The following FAM107B variants were observed in gnomAD, a reference collection of about 807,000 sequenced individuals.
FAM107B encodes family with sequence similarity 107 member B, also known as protein FAM107B.
A neutral mutation model predicts 31.5 loss-of-function variants in FAM107B; 21 were observed. That is an observed-to-expected ratio of 0.67 (90% confidence interval 0.47 to 0.96). The LOEUF is 0.96. Ranked by LOEUF, FAM107B falls within the 40% of genes least tolerant of loss-of-function variation. The pLI, the probability that FAM107B is intolerant of heterozygous loss-of-function variation, is 0.00. For missense variants in FAM107B, 452 were observed against 377.1 expected, an observed-to-expected ratio of 1.20 and a Z score of -1.64; for synonymous variants, 157 against 141.5, an observed-to-expected ratio of 1.11 and a Z score of -0.78.
At chr10:14,723,365 G>A (rs547336801) in intron 1 of FAM107B, 117 of 546,560 alleles carry the variant, frequency 2.1e-4, no homozygotes, top group African/African-American at 1.4e-3. Context: ...TGGAGCAGTC[G>A]ATTTGCCCTG....
intron 2 of FAM107B, among the ~76,000 whole-genome samples, chr10:14,658,388 T>C (rs923252473): frequency 6.6e-6 from 1 of 152,224 alleles, no homozygotes; most frequent in South Asian, 2.1e-4. Context: ...ATTTAGCATC[T>C]TGAAGGCAAG....
chr10:14,621,735 G>C (rs1416114920), intron 2 of FAM107B, among the ~76,000 whole-genome samples: 1 of 152,170 alleles, frequency 6.6e-6, no homozygotes, highest in African/African-American at 2.4e-5. Flanking sequence ...ACAGGATTTG[G>C]CTTTTTTTGA....
chr10:14,560,622 G>A (rs1850160902), intron 2 of FAM107B, among the ~76,000 whole-genome samples: 1 of 152,174 alleles, frequency 6.6e-6, no homozygotes, highest in African/African-American at 2.4e-5. Context: ...GCTCACCTGC[G>A]ACAGGGGCCT....
At chr10:14,761,345 A>C (rs1394307682) in intron 1 of FAM107B, among the ~76,000 whole-genome samples, 1 of 152,252 alleles carries the variant, frequency 6.6e-6, no homozygotes, top group Non-Finnish European at 1.5e-5. Flanking sequence ...TAAATGCTAA[A>C]AGAGCATTTA....
At chr10:14,608,257 A>T (rs1852641924) in intron 2 of FAM107B, among the ~76,000 whole-genome samples, 1 of 152,240 alleles carries the variant, frequency 6.6e-6, no homozygotes, top group South Asian at 2.1e-4. Flanking sequence ...GTACGTGGAC[A>T]TTTGAATCGT....
intron 3 of FAM107B, among the ~76,000 whole-genome samples, chr10:14,528,251 G>A (rs56011267): frequency 0.12 from 16,829 of 140,676 alleles, 1,088 homozygotes; most frequent in Non-Finnish European, 0.15. Context: ...GCACAATCTC[G>A]GCTCACTGCA....
At chr10:14,566,439 A>G (rs914005258) in intron 2 of FAM107B, among the ~76,000 whole-genome samples, 1 of 152,134 alleles carries the variant, frequency 6.6e-6, no homozygotes, top group African/African-American at 2.4e-5. Flanking sequence ...ACGTCCCACA[A>G]CTGCAGGGAA....
At chr10:14,762,807 G>A (rs1393322681) in intron 1 of FAM107B, among the ~76,000 whole-genome samples, 5 of 140,598 alleles carry the variant, frequency 3.6e-5, no homozygotes, top group African/African-American at 1.1e-4. Flanking sequence ...CACACAAAAA[G>A]AACATGTCAC....
rs527619476 is a variant in FAM107B at position 14,628,495 on chromosome 10, C to T, written c.469+39139G>A. Reference sequence around the variant, plus strand: ...AGTCTCTGAGAAGGTAACCCCAATGCACTAGGAATGGAAACCCCAACTTCC... The same window carrying T: ...AGTCTCTGAGAAGGTAACCCCAATGTACTAGGAATGGAAACCCCAACTTCC... On this transcript the variant is annotated intron_variant, in intron 2 of 4. Transcript: ENST00000181796. Among the ~76,000 whole-genome samples, 26 of 152,248 alleles carry T rather than the reference C, an allele frequency of 1.7e-4. 1 individual carries two copies. In the South Asian group the frequency reaches 5.4e-3, roughly 32 times the overall value.
intron 1 of FAM107B, among the ~76,000 whole-genome samples, chr10:14,676,409 A>G (rs1454098541): frequency 6.6e-6 from 1 of 152,036 alleles, no homozygotes; most frequent in Non-Finnish European, 1.5e-5. Context: ...CAGAGCAAAA[A>G]CTGTGCTTCC....
intron 1 of FAM107B, among the ~76,000 whole-genome samples, chr10:14,696,897 A>G (rs1304661668): frequency 1.3e-5 from 2 of 152,104 alleles, no homozygotes; most frequent in Non-Finnish European, 1.5e-5. Flanking sequence ...TTGCTCCTTT[A>G]GCATCTCTGA....
intron 1 of FAM107B, among the ~76,000 whole-genome samples, chr10:14,699,410 G>A (rs144306027): frequency 6.9e-4 from 105 of 152,234 alleles, no homozygotes; most frequent in Non-Finnish European, 1.6e-4. Flanking sequence ...CCCAGGGAAC[G>A]AGAACCAGGG....
At chr10:14,594,341 CAA>C (rs1852112086) in intron 2 of FAM107B, among the ~76,000 whole-genome samples, 1 of 151,864 alleles carries the variant, frequency 6.6e-6, no homozygotes, top group Non-Finnish European at 1.5e-5. Flanking sequence ...TTCATCTCTA[CAA>C]AATATAAAAT....
At chr10:14,643,332 G>A (rs1025789503) in intron 2 of FAM107B, among the ~76,000 whole-genome samples, 3 of 151,750 alleles carry the variant, frequency 2.0e-5, no homozygotes, top group Admixed American at 6.6e-5. Flanking sequence ...CAAGCAGTCC[G>A]GCAGGAGGGA....
At chr10:14,770,975 T>TAAAAAAAA (rs56378196) in intron 1 of FAM107B, among the ~76,000 whole-genome samples, 3 of 58,924 alleles carry the variant, frequency 5.1e-5, no homozygotes, top group Non-Finnish European at 7.2e-5. Context: ...GAGGCTGAAC[T>TAAAAAAAA]AAAAAAAAAA....
At chr10:14,745,984 T>C (rs1382851612) in intron 1 of FAM107B, among the ~76,000 whole-genome samples, 2 of 152,146 alleles carry the variant, frequency 1.3e-5, no homozygotes, top group Non-Finnish European at 2.9e-5. Context: ...TGGGTGCTCC[T>C]GTATTGAGTG....
chr10:14,679,954 G>A (rs1854788245), intron 1 of FAM107B, among the ~76,000 whole-genome samples: 1 of 152,136 alleles, frequency 6.6e-6, no homozygotes, highest in African/African-American at 2.4e-5. Flanking sequence ...TTTGGGACTC[G>A]GACTGGCTTC....
chr10:14,714,422 T>C (rs1244216151), intron 1 of FAM107B, among the ~76,000 whole-genome samples: 1 of 152,122 alleles, frequency 6.6e-6, no homozygotes, highest in East Asian at 1.9e-4. Flanking sequence ...GGGATGATGG[T>C]GCACCGGAAC....
chr10:14,695,859 T>C (rs1456001202), intron 1 of FAM107B, among the ~76,000 whole-genome samples: 1 of 152,234 alleles, frequency 6.6e-6, no homozygotes, highest in Non-Finnish European at 1.5e-5. Context: ...CACTTACTAG[T>C]TTTAACAGTT....
Sources: allele counts gnomAD v4.1 joint callset (sites outside exome capture counted in the v4.1 genomes callset), GRCh38; gene constraint gnomAD v4.1.1; transcripts MANE v1.5; gene names NCBI Gene and HGNC (gene_info 2026-07-23, HGNC 2026-07-21).